SPECC1: variants seen among roughly 807,000 people sequenced by gnomAD.
SPECC1 encodes cytospin-B.
In SPECC1, 62 loss-of-function variants were observed where a neutral mutation model predicts 104.1. The observed-to-expected ratio is 0.60, with a 90% CI of 0.49 to 0.74. SPECC1 has a LOEUF of 0.74. Ranked by LOEUF, SPECC1 falls within the 30% of genes least tolerant of loss-of-function variation. The pLI, the probability that SPECC1 is intolerant of heterozygous loss-of-function variation, is 0.00. For missense variants in SPECC1, 1,306 were observed against 1,310.5 expected, an observed-to-expected ratio of 1.00 and a Z score of 0.05; for synonymous variants, 513 against 501.6, an observed-to-expected ratio of 1.02 and a Z score of -0.30.
intron 3 of SPECC1, among the ~76,000 whole-genome samples, chr17:20,183,754 C>T (rs2035069866): frequency 6.6e-6 from 1 of 152,092 alleles, no homozygotes; most frequent in Non-Finnish European, 1.5e-5. Context: ...TGTCTATATA[C>T]ATTCAGATGT....
At chr17:20,132,724 T>C (rs946924296) in intron 3 of SPECC1, among the ~76,000 whole-genome samples, 10 of 150,026 alleles carry the variant, frequency 6.7e-5, no homozygotes, top group African/African-American at 2.4e-4. Context: ...TATTTATTTA[T>C]TTATTTATTT....
At chr17:20,094,160 G>A (rs972474796) in intron 1 of SPECC1, among the ~76,000 whole-genome samples, 1 of 152,160 alleles carries the variant, frequency 6.6e-6, no homozygotes, top group African/African-American at 2.4e-5. Flanking sequence ...CTCAGGAAAG[G>A]GAGTGTGGGC....
chr17:20,178,961 A>G (rs555402450), intron 3 of SPECC1, among the ~76,000 whole-genome samples: 2 of 152,362 alleles, frequency 1.3e-5, no homozygotes, highest in South Asian at 2.1e-4. Context: ...TTGGGATGCC[A>G]TAGGAATTCT....
At chr17:20,190,136 C>A (rs1024977351) in intron 3 of SPECC1, among the ~76,000 whole-genome samples, 2 of 152,054 alleles carry the variant, frequency 1.3e-5, no homozygotes, top group Non-Finnish European at 2.9e-5. Context: ...AAGGTGGGGC[C>A]CCAAGATTTG....
intron 3 of SPECC1, among the ~76,000 whole-genome samples, chr17:20,110,810 C>T (rs2048453640): frequency 1.3e-5 from 2 of 152,042 alleles, no homozygotes; most frequent in African/African-American, 4.8e-5. Context: ...TTCGGAGGTC[C>T]ATTTGTCACC....
At chr17:20,133,822 G>A (rs1366992616) in intron 3 of SPECC1, among the ~76,000 whole-genome samples, 1 of 152,060 alleles carries the variant, frequency 6.6e-6, no homozygotes, top group Non-Finnish European at 1.5e-5. Flanking sequence ...AGCCCCTCCC[G>A]GCTTTGCACT....
chr17:20,137,855 T>C (rs1055248835), intron 3 of SPECC1, among the ~76,000 whole-genome samples: 7 of 151,682 alleles, frequency 4.6e-5, no homozygotes, highest in African/African-American at 1.5e-4. Context: ...TTACTAGAGA[T>C]GGGTTTTCGG....
At chr17:20,193,233 G>A (rs2035789257) in intron 3 of SPECC1, among the ~76,000 whole-genome samples, 1 of 152,210 alleles carries the variant, frequency 6.6e-6, no homozygotes, top group Admixed American at 6.5e-5. Flanking sequence ...GTAGGATTTA[G>A]CCAGCTTCTT....
Position 20,223,702 on chromosome 17 carries a change from TTATTA to T in SPECC1, c.1864-3710_1864-3706del, listed in dbSNP as rs565086371. On this transcript the variant is annotated intron_variant, in intron 4 of 14. Transcript: ENST00000395527. ...AAAAAAAAAAATTATTTCAATCTCT[TTATTA>T]AATATATCGAAAGGATTCTAAATTC... Among the ~76,000 whole-genome samples, 398 of 152,266 alleles carry T rather than the reference TTATTA, an allele frequency of 2.6e-3. 3 individuals carry two copies. Among genetic ancestry groups the T allele is most frequent in the Middle Eastern group, 0.017 (5 of 294 alleles).
chr17:20,259,827 G>A (rs1156968525), intron 11 of SPECC1, among the ~76,000 whole-genome samples: 2 of 152,056 alleles, frequency 1.3e-5, no homozygotes, highest in African/African-American at 4.8e-5. Context: ...CCTTTTACAT[G>A]TTATTTAGGT....
At chr17:20,016,216 TCAA>T (rs2044120827) in intron 1 of SPECC1, among the ~76,000 whole-genome samples, 1 of 78,792 alleles carries the variant, frequency 1.3e-5, no homozygotes, top group Admixed American at 1.5e-4. Context: ...CGACTCCATC[TCAA>T]AAAAAAAAAA....
At chr17:20,017,741 C>G (rs1363151436) in intron 1 of SPECC1, 1 of 152,196 alleles carries the variant, frequency 6.6e-6, no homozygotes, top group Non-Finnish European at 1.5e-5. Context: ...GGTCTTCATC[C>G]TGTGTTTTTA....
Position 20,212,839 on chromosome 17 carries a change from T to C in SPECC1, c.1863+6927T>C, listed in dbSNP as rs1597991767. On this transcript the variant is annotated intron_variant, in intron 4 of 14. Transcript: ENST00000395527. ...AGCAGAATTGAGGGGCTGCTATAATTATATTAATATGTTTAAAAAGTAAAG... is the reference window on the plus strand; with the variant it reads ...AGCAGAATTGAGGGGCTGCTATAATCATATTAATATGTTTAAAAAGTAAAG... Among the ~76,000 whole-genome samples, 4 of 152,330 alleles carry C rather than the reference T, an allele frequency of 2.6e-5. No homozygotes were observed. In the South Asian group the frequency reaches 8.3e-4, roughly 32 times the overall value.
At chr17:20,150,928 T>G (rs927185328) in intron 3 of SPECC1, among the ~76,000 whole-genome samples, 11 of 152,176 alleles carry the variant, frequency 7.2e-5, no homozygotes. Context: ...TATAGAAATT[T>G]TTAATAAAAA....
Position 20,308,965 on chromosome 17 carries a change from A to AT in SPECC1, c.3117+2887dup, listed in dbSNP as rs571739227. The stretch of plus-strand genomic sequence containing the variant: ...GTTTAAATATAATATCTTTTTCTTA[A>AT]TTTTCATCTAATGTGCTATAGAAGT... On this transcript the variant is annotated intron_variant, in intron 14 of 14. Transcript: ENST00000395527. Among the ~76,000 whole-genome samples the AT allele has an allele frequency of 3.3e-5, 5 of 152,240 alleles. No individual in the cohort carries two copies. In the South Asian group the frequency reaches 1.0e-3, roughly 32 times the overall value.
chr17:20,009,401 G>A lies in SPECC1; in HGVS notation c.-45G>A, dbSNP rs911309509. The A allele has an allele frequency of 1.3e-5, 2 of 152,146 alleles. No homozygotes were observed. The highest frequency in any genetic ancestry group is 1.5e-5 in the Non-Finnish European group (1 of 68,042). The allele number at this position is 152,146 out of a possible 1,614,324, so 9.4% of individuals were successfully genotyped here. ...CGGAGCCGTGGCCGCTGGGGGTTGC[G>A]GCGGCGCTGAGCCAGCGGGGCCGGT... On this transcript the variant is annotated 5_prime_UTR_variant, in exon 1 of 15. Coordinates refer to ENST00000395527, the MANE Select transcript of SPECC1 (RefSeq NM_001243439.2). The surrounding 1 kb of genome is among the most constrained non-coding windows in gnomAD (Gnocchi z 5.2).
chr17:20,294,371 G>A (rs1182427422), intron 12 of SPECC1, among the ~76,000 whole-genome samples: 1 of 152,216 alleles, frequency 6.6e-6, no homozygotes, highest in Non-Finnish European at 1.5e-5. Flanking sequence ...TTCTCCCCAT[G>A]CAGCCTCATG....
At position 20,253,565 on chromosome 17, in the gene SPECC1, C is replaced by T. The variant is rs2039711411; in HGVS notation, c.2659C>T (p.Leu887Phe). 2 of 1,613,944 alleles carry T rather than the reference C, an allele frequency of 1.2e-6. No homozygotes were observed. Among genetic ancestry groups the T allele is most frequent in the South Asian group, 1.1e-5 (1 of 91,070 alleles). Residue 887 changes from leucine (L) to phenylalanine (F), a missense_variant, in exon 10 of 15, where the codon CTT becomes TTT. By Grantham distance (22) the Leu-to-Phe change is conservative. This residue lies in a region of SPECC1 where 1,177 missense variants were observed against 1,139.9 expected (regional missense o/e 1.03). Coordinates refer to ENST00000395527, the MANE Select transcript of SPECC1 (RefSeq NM_001243439.2). Reference sequence around the variant, plus strand: ...CAGAGGGGTGACTCAACGCTTGGACCTTCCTGACCTTCCCCTCTCAGGTAA... The same window carrying T: ...CAGAGGGGTGACTCAACGCTTGGACTTTCCTGACCTTCCCCTCTCAGGTAA... ...ASRGVTQRLD[L>F]PDLPLSDILK...
chr17:20,055,787 TTC>T (rs1342438299), intron 1 of SPECC1, among the ~76,000 whole-genome samples: 1 of 152,238 alleles, frequency 6.6e-6, no homozygotes, highest in Non-Finnish European at 1.5e-5. Context: ...TGCCATCCAT[TTC>T]TCTGTGTTCC....
Sources: gnomAD v4.1 joint callset for allele counts (sites outside exome capture counted in the v4.1 genomes callset) on GRCh38, gnomAD v4.1.1 for gene constraint, gnomAD v4.1.1 regional missense constraint, Gnocchi (gnomAD v3.1) non-coding constraint, MANE v1.5 for transcripts, NCBI Gene and HGNC (gene_info 2026-07-23, HGNC 2026-07-21) for gene names.